The following MRPS27 variants were observed in gnomAD, a reference collection of about 807,000 sequenced individuals.
MRPS27 encodes mitochondrial ribosomal protein S27, also known as small ribosomal subunit protein mS27.
MRPS27 carries 43 observed loss-of-function variants against 48.9 expected under a neutral mutation model. That is an observed-to-expected ratio of 0.88 (90% CI 0.69 to 1.13). The LOEUF is 1.13. MRPS27 is among the 50% of genes most tolerant of loss of function. The pLI is 0.00. For missense variants in MRPS27, 467 were observed against 476.3 expected (o/e 0.98, Z 0.18); for synonymous variants, 188 against 171.9 (o/e 1.09, Z -0.73).
At chr5:72,292,494 C>T (rs549175210) in intron 4 of MRPS27, among the ~76,000 whole-genome samples, 18 of 152,174 alleles carry the variant, frequency 1.2e-4, no homozygotes, top group African/African-American at 4.3e-4. Flanking sequence ...ACATTTAAGC[C>T]TATGTACTTT....
intron 4 of MRPS27, among the ~76,000 whole-genome samples, chr5:72,259,761 TTATATA>T (rs879727130): frequency 6.6e-6 from 1 of 152,182 alleles, no homozygotes; most frequent in Non-Finnish European, 1.5e-5. Flanking sequence ...TTTTCTTGAC[TTATATA>T]TAAATTTCTC....
chr5:72,272,282 G>A (rs918784026), intron 4 of MRPS27, among the ~76,000 whole-genome samples: 2 of 152,164 alleles, frequency 1.3e-5, no homozygotes, highest in African/African-American at 2.4e-5. Context: ...TTGCAAGGTT[G>A]GCCCTTCACT....
In MRPS27 at chr5:72,276,056, T is replaced by A. The variant is rs200867728; in HGVS notation, c.281+19475A>T. 1.1e-4 allele frequency among the ~76,000 whole-genome samples: 17 copies of A among 151,848 alleles called. No individual in the cohort carries two copies. The East Asian group carries it at 2.5e-3, about 23-fold the overall frequency. On this transcript the variant is annotated intron_variant, in intron 4 of 10. Coordinates refer to ENST00000261413, the MANE Select transcript of MRPS27 (RefSeq NM_015084.3). ...GGGGGGGGTACTATGAATTAAAGAA[T>A]AAAAGATTGAACAGATTATTTGAAG...
Position 72,234,198 on chromosome 5 carries a change from C to T in MRPS27, c.397-1G>A. ...TATCTGGAAAAATTCCATATTGAAC[C>T]TATAATGAAAATGAACATAACAGGA... On this transcript the variant is annotated splice_acceptor_variant, in intron 5 of 10. Transcript: ENST00000261413. LOFTEE classifies it high-confidence loss of function. 2.7e-6 allele frequency: 4 copies of T among 1,487,128 alleles called. No individual in the cohort carries two copies. The highest frequency in any genetic ancestry group is 3.6e-6 in the Non-Finnish European group (4 of 1,119,460). 92.1% of individuals were successfully genotyped at this position (1,487,128 alleles called of 1,614,324 possible). A position where few individuals can be genotyped will look rare whatever the true frequency, so the allele number is the denominator to read the frequency against.
At chr5:72,278,546 T>G (rs1266061052) in intron 4 of MRPS27, among the ~76,000 whole-genome samples, 1 of 152,138 alleles carries the variant, frequency 6.6e-6, no homozygotes, top group African/African-American at 2.4e-5. Flanking sequence ...CATGTATATT[T>G]CCGGATCCTA....
chr5:72,309,488 TC>T (rs2112085019), intron 2 of MRPS27, among the ~76,000 whole-genome samples: 2 of 152,244 alleles, frequency 1.3e-5, no homozygotes, highest in African/African-American at 4.8e-5. Flanking sequence ...GGTCTTGAAC[TC>T]CTGACTTGAT....
intron 1 of MRPS27, 95 bp downstream of exon 1, chr5:72,320,054 G>T: frequency 7.5e-7 from 1 of 1,334,950 alleles, no homozygotes; most frequent in Non-Finnish European, 1.1e-6. Context: ...CTAGCAATCA[G>T]ATTCCAGAAA....
At chr5:72,318,766 C>T (rs2112098788) in intron 1 of MRPS27, among the ~76,000 whole-genome samples, 1 of 149,032 alleles carries the variant, frequency 6.7e-6, no homozygotes, top group East Asian at 2.0e-4. Context: ...TGCACTCTAA[C>T]CTGGGCAACA....
At chr5:72,261,006 G>A (rs1748952091) in intron 4 of MRPS27, among the ~76,000 whole-genome samples, 1 of 152,064 alleles carries the variant, frequency 6.6e-6, no homozygotes, top group African/African-American at 2.4e-5. Context: ...TGGGATTACA[G>A]GCGTGTGTCA....
chr5:72,227,822 C>T (rs1274489106), intron 8 of MRPS27: 1 of 167,302 alleles, frequency 6.0e-6, no homozygotes, highest in Non-Finnish European at 1.3e-5. Context: ...TACTTCTGCT[C>T]TTAGTTTATC....
intron 4 of MRPS27, among the ~76,000 whole-genome samples, chr5:72,248,338 A>T (rs1047856409): frequency 1.3e-5 from 2 of 152,218 alleles, no homozygotes; most frequent in Non-Finnish European, 2.9e-5. Context: ...TCTGAATATG[A>T]AAGAGCTGTT....
chr5:72,297,601 T>G, intron 3 of MRPS27, 31 bp downstream of exon 3: 1 of 1,431,858 alleles, frequency 7.0e-7, no homozygotes, highest in Non-Finnish European at 9.7e-7. Flanking sequence ...TTCCTTGTTC[T>G]TGGAAAATAT....
chr5:72,306,483 C>T (rs1750273225), intron 2 of MRPS27, among the ~76,000 whole-genome samples: 1 of 152,178 alleles, frequency 6.6e-6, no homozygotes, highest in South Asian at 2.1e-4. Context: ...GCACGCTAAA[C>T]ACCACAATAA....
At position 72,237,665 on chromosome 5, in the gene MRPS27, C is replaced by T. The variant is rs79004826; in HGVS notation, c.396+349G>A. 3.7e-3 allele frequency among the ~76,000 whole-genome samples: 568 copies of T among 152,114 alleles called. 1 individual carries two copies. Among genetic ancestry groups the T allele is most frequent in the African/African-American group, 0.013 (552 of 41,528 alleles). Reference sequence around the variant, plus strand: ...GAGGAGTCAGGGAACTCCAAAGACACAGGAGCAACATGGTCATGTTTTTCC... The same window carrying T: ...GAGGAGTCAGGGAACTCCAAAGACATAGGAGCAACATGGTCATGTTTTTCC... On this transcript the variant is annotated intron_variant, in intron 5 of 10. Transcript: ENST00000261413.
At chr5:72,247,549 T>C (rs1748540124) in intron 4 of MRPS27, among the ~76,000 whole-genome samples, 1 of 152,156 alleles carries the variant, frequency 6.6e-6, no homozygotes, top group Non-Finnish European at 1.5e-5. Context: ...GCCCTGCAAA[T>C]TGGCATCTAA....
chr5:72,240,406 CAA>C (rs1307466243), intron 4 of MRPS27, among the ~76,000 whole-genome samples: 1 of 151,832 alleles, frequency 6.6e-6, no homozygotes, highest in Non-Finnish European at 1.5e-5. Context: ...TAAAAAGAAA[CAA>C]AACGAAATAT....
At chr5:72,253,749 GA>G (rs1328091534) in intron 4 of MRPS27, among the ~76,000 whole-genome samples, 1 of 152,174 alleles carries the variant, frequency 6.6e-6, no homozygotes, top group East Asian at 1.9e-4. Context: ...CCTGTATATG[GA>G]TGGTGTGCTC....
intron 1 of MRPS27, among the ~76,000 whole-genome samples, chr5:72,316,991 T>C (rs1750581743): frequency 6.7e-6 from 1 of 149,166 alleles, no homozygotes; most frequent in African/African-American, 2.5e-5. Context: ...ATCACGCCAT[T>C]GCATTCCAAC....
chr5:72,319,885 A>T, intron 1 of MRPS27: 1 of 491,260 alleles, frequency 2.0e-6, no homozygotes, highest in Admixed American at 3.6e-5. Context: ...CCACCCCAAC[A>T]CATAAATCTG....
Sources: gnomAD v4.1 joint callset for allele counts (sites outside exome capture counted in the v4.1 genomes callset) on GRCh38, gnomAD v4.1.1 for gene constraint, MANE v1.5 for transcripts, NCBI Gene and HGNC (gene_info 2026-07-23, HGNC 2026-07-21) for gene names.